The following KCNAB1 variants were observed in gnomAD, a reference collection of about 807,000 sequenced individuals.
KCNAB1 encodes the protein potassium voltage-gated channel subfamily A regulatory beta subunit 1.
Under a neutral mutation model 64.6 loss-of-function variants are expected in KCNAB1, and 35 were observed. That is an observed-to-expected ratio of 0.54 (90% CI 0.41 to 0.72). The LOEUF is 0.72. KCNAB1 is among the 30% of genes least tolerant of loss of function. The pLI is 0.00. For missense variants in KCNAB1, 401 were observed against 512.9 expected (o/e 0.78, Z 2.11); for synonymous variants, 177 against 183.8 (o/e 0.96, Z 0.30).
intron 1 of KCNAB1, among the ~76,000 whole-genome samples, chr3:156,356,949 T>G (rs1725282749): frequency 6.6e-6 from 1 of 152,194 alleles, no homozygotes; most frequent in East Asian, 1.9e-4. Context: ...GTTACAGCAA[T>G]AGGGAGTTCC....
At chr3:156,134,456 G>T (rs1714186565) in intron 1 of KCNAB1, among the ~76,000 whole-genome samples, 1 of 152,150 alleles carries the variant, frequency 6.6e-6, no homozygotes, top group African/African-American at 2.4e-5. Context: ...AAGAATACAT[G>T]GTTTATGAAT....
At chr3:156,318,729 T>G (rs1369687949) in intron 1 of KCNAB1, among the ~76,000 whole-genome samples, 1 of 152,252 alleles carries the variant, frequency 6.6e-6, no homozygotes, top group Non-Finnish European at 1.5e-5. Flanking sequence ...AAATAGATTT[T>G]TGTTTTGCAT....
intron 8 of KCNAB1, among the ~76,000 whole-genome samples, chr3:156,486,051 G>GTT (rs1156691762): frequency 6.6e-6 from 1 of 151,982 alleles, no homozygotes; most frequent in Non-Finnish European, 1.5e-5. Flanking sequence ...TGTCTGCCAG[G>GTT]TTTCTCCCCT....
rs370551959 is a variant in KCNAB1, at chr3:156,345,134, A to G, written c.276-76482A>G. 1.9e-4 allele frequency among the ~76,000 whole-genome samples: 29 copies of G among 152,162 alleles called. 1 individual carries two copies. In the South Asian group the frequency reaches 3.9e-3, roughly 21 times the overall value. ...GAGGCTTCGTAATTTCCCTTTTCCT[A>G]GTGACAAAGGTGAAAAACTGATCTC... On this transcript the variant is annotated intron_variant, in intron 1 of 13. Transcript: ENST00000490337.
At chr3:156,294,642 C>T (rs1268172510) in intron 1 of KCNAB1, among the ~76,000 whole-genome samples, 1 of 151,818 alleles carries the variant, frequency 6.6e-6, no homozygotes, top group East Asian at 1.9e-4. Context: ...AAAAATAATG[C>T]CATAGAATAG....
intron 1 of KCNAB1, among the ~76,000 whole-genome samples, chr3:156,284,095 T>C (rs1576676297): frequency 6.6e-6 from 1 of 151,978 alleles, no homozygotes; most frequent in East Asian, 1.9e-4. Context: ...ATCTTTGTGG[T>C]TTTTATCTAC....
rs146913808 is a variant in KCNAB1, at chr3:156,449,342, T to C, written c.320-3557T>C. On this transcript the variant is annotated intron_variant, in intron 2 of 13. Transcript: ENST00000490337. ...TCACTGTGATGTACAGAATGCAGCCTTAAACACTTATGCCAGGAGGGTGGT... is the reference window on the plus strand; with the variant it reads ...TCACTGTGATGTACAGAATGCAGCCCTAAACACTTATGCCAGGAGGGTGGT... Among the ~76,000 whole-genome samples, 1,468 of 152,322 alleles carry C rather than the reference T, an allele frequency of 9.6e-3. 27 individuals carry two copies. The highest frequency in any genetic ancestry group is 0.033 in the African/African-American group (1,373 of 41,582).
intron 1 of KCNAB1, among the ~76,000 whole-genome samples, chr3:156,207,947 C>T (rs1714766464): frequency 6.6e-6 from 1 of 152,214 alleles, no homozygotes; most frequent in African/African-American, 2.4e-5. Context: ...CCAAACAACT[C>T]AGCTTCTTTT....
intron 1 of KCNAB1, among the ~76,000 whole-genome samples, chr3:156,312,525 A>G (rs1244999515): frequency 2.6e-5 from 4 of 152,068 alleles, no homozygotes; most frequent in Admixed American, 6.5e-5. Flanking sequence ...CAGCCTGGCT[A>G]ATATGGTGAA....
At chr3:156,292,256 T>C in intron 1 of KCNAB1, 1 of 1,053,436 alleles carries the variant, frequency 9.5e-7, no homozygotes. Context: ...CTCAGGTGGT[T>C]CTAAAATAGC....
At chr3:156,258,735 A>G (rs1245783702) in intron 1 of KCNAB1, among the ~76,000 whole-genome samples, 5 of 152,032 alleles carry the variant, frequency 3.3e-5, no homozygotes, top group Non-Finnish European at 7.4e-5. Flanking sequence ...TAAATAACTC[A>G]CTCCTACTCA....
chr3:156,162,263 T>TA lies in KCNAB1; in HGVS notation c.275+41379dup, dbSNP rs398106616. 1.2e-4 allele frequency among the ~76,000 whole-genome samples: 18 copies of TA among 151,386 alleles called. 1 individual carries two copies. The highest frequency in any genetic ancestry group is 1.5e-4 in the Non-Finnish European group (10 of 67,716). On this transcript the variant is annotated intron_variant, in intron 1 of 13. Transcript: ENST00000490337. ...CATATTTATACTGGATTTTTTTTTT[T>TA]AATTTTTAGCAAGGAAGACAGAGAA...
At chr3:156,175,911 AG>A in intron 1 of KCNAB1, 1 of 831,538 alleles carries the variant, frequency 1.2e-6, no homozygotes. Flanking sequence ...AGGGCTAGTC[AG>A]GGTGGAAAGC....
intron 1 of KCNAB1, among the ~76,000 whole-genome samples, chr3:156,172,439 C>T (rs1712063376): frequency 6.6e-6 from 1 of 152,162 alleles, no homozygotes; most frequent in Non-Finnish European, 1.5e-5. Context: ...ACCACCACAC[C>T]CAGCTAATTT....
At chr3:156,459,066 C>A (rs1057198700) in intron 4 of KCNAB1, among the ~76,000 whole-genome samples, 1 of 152,206 alleles carries the variant, frequency 6.6e-6, no homozygotes, top group Non-Finnish European at 1.5e-5. Flanking sequence ...CCATAGCATC[C>A]TAATGGACAA....
chr3:156,227,458 A>G lies in KCNAB1; in HGVS notation c.275+106572A>G, dbSNP rs140384352. On this transcript the variant is annotated intron_variant, in intron 1 of 13. Transcript: ENST00000490337. The stretch of plus-strand genomic sequence containing the variant: ...TAAAAAAGACTTTCTCTCCGATTTC[A>G]GTGAGAATTGTCTTTTCTCATGATA... 8.9e-3 allele frequency among the ~76,000 whole-genome samples: 1,362 copies of G among 152,356 alleles called. 19 individuals carry two copies. The highest frequency in any genetic ancestry group is 0.031 in the African/African-American group (1,293 of 41,580).
chr3:156,295,132 AT>A (rs536666692), intron 1 of KCNAB1, among the ~76,000 whole-genome samples: 2 of 151,364 alleles, frequency 1.3e-5, no homozygotes, highest in African/African-American at 2.4e-5. Flanking sequence ...CTATGAAGTT[AT>A]TTTTTTTTGG....
intron 1 of KCNAB1, among the ~76,000 whole-genome samples, chr3:156,207,105 T>C (rs895775036): frequency 6.6e-5 from 10 of 152,230 alleles, no homozygotes; most frequent in Admixed American, 1.3e-4. Context: ...GCACTCTCTT[T>C]GCTTCTCTAC....
chr3:156,425,305 G>A (rs966348692), intron 2 of KCNAB1, among the ~76,000 whole-genome samples: 7 of 152,188 alleles, frequency 4.6e-5, no homozygotes, highest in Admixed American at 6.5e-5. Flanking sequence ...AGGGGCAGCC[G>A]GAAATTCCTT....
Sources: allele counts gnomAD v4.1 joint callset (sites outside exome capture counted in the v4.1 genomes callset), GRCh38; gene constraint gnomAD v4.1.1; transcripts MANE v1.5; gene names NCBI Gene and HGNC (gene_info 2026-07-23, HGNC 2026-07-21).